MKLN1: variants seen among roughly 807,000 people sequenced by gnomAD.
MKLN1 encodes the protein muskelin.
In MKLN1, 18 loss-of-function variants were observed where a neutral mutation model predicts 99.0. The ratio of observed to expected loss-of-function variants is 0.18; its 90% CI spans 0.13 to 0.27. The LOEUF is 0.27. Among genes scored for constraint, MKLN1 ranks in the 10% least tolerant of loss-of-function variants. The pLI, the probability that MKLN1 is intolerant of heterozygous loss-of-function variation, is 1.00. For synonymous variants in MKLN1, 288 were observed against 293.2 expected, an observed-to-expected ratio of 0.98 and a Z score of 0.18; for missense variants, 621 against 875.9, an observed-to-expected ratio of 0.71 and a Z score of 3.67.
chr7:131,270,850 C>A (rs1440310676), intron 3 of MKLN1, among the ~76,000 whole-genome samples: 1 of 149,954 alleles, frequency 6.7e-6, no homozygotes, highest in East Asian at 2.0e-4. Context: ...AAATGGATAA[C>A]CTTGAATCAC....
chr7:131,414,870 CTGTATGTGTG>C (rs1375863333), intron 8 of MKLN1, among the ~76,000 whole-genome samples, 160 bp downstream of exon 8: 1 of 151,608 alleles, frequency 6.6e-6, no homozygotes, highest in Non-Finnish European at 1.5e-5. Context: ...TTATGTGTGT[CTGTATGTGTG>C]TGTATGTGTC....
At chr7:131,420,017 C>T (rs888668955) in intron 8 of MKLN1, among the ~76,000 whole-genome samples, 2 of 152,038 alleles carry the variant, frequency 1.3e-5, no homozygotes, top group Admixed American at 6.5e-5. Flanking sequence ...TTGGCTTATA[C>T]TAGAATGGTA....
chr7:131,394,055 A>G (rs1182299580), intron 4 of MKLN1, among the ~76,000 whole-genome samples: 2 of 150,868 alleles, frequency 1.3e-5, no homozygotes, highest in Non-Finnish European at 2.9e-5. Flanking sequence ...TTATACTACT[A>G]GATGGTTATT....
At chr7:131,120,736 C>T (rs1795355513) in intron 1 of MKLN1, among the ~76,000 whole-genome samples, 1 of 152,068 alleles carries the variant, frequency 6.6e-6, no homozygotes, top group Non-Finnish European at 1.5e-5. Context: ...CATCTGAGAC[C>T]ACCTCAGCCA....
At chr7:131,153,655 T>TA (rs1329349223) in intron 2 of MKLN1, among the ~76,000 whole-genome samples, 3 of 49,766 alleles carry the variant, frequency 6.0e-5, no homozygotes, top group Non-Finnish European at 1.8e-4. Context: ...TGAAAGTAGG[T>TA]TTTTTTTGGT....
chr7:131,420,888 G>T (rs1795171403), intron 8 of MKLN1, among the ~76,000 whole-genome samples: 2 of 152,108 alleles, frequency 1.3e-5, no homozygotes, highest in Non-Finnish European at 2.9e-5. Flanking sequence ...TGAGTAGAAA[G>T]AAAAATATTT....
At chr7:131,463,131 A>G in intron 12 of MKLN1, 86 bp from the exon 13 acceptor site, 2 of 1,213,594 alleles carry the variant, frequency 1.6e-6, no homozygotes, top group East Asian at 4.8e-5. Flanking sequence ...TCTTTAAAAA[A>G]AGAAAGAAAA....
chr7:131,194,003 G>GT (rs71168387), intron 2 of MKLN1, among the ~76,000 whole-genome samples: 16,619 of 128,112 alleles, frequency 0.13, 1,252 homozygotes, highest in South Asian at 0.31. Context: ...GCTTTGTTTT[G>GT]TTTTTTTTTT....
At chr7:131,325,754 C>G (rs986091071), upstream of MKLN1, among the ~76,000 whole-genome samples, 4 of 151,642 alleles carry the variant, frequency 2.6e-5, no homozygotes, top group Admixed American at 6.6e-5. Context: ...ACAGGATGAG[C>G]TGGAGTTAGC....
chr7:131,199,342 C>T (rs954325083), intron 2 of MKLN1, among the ~76,000 whole-genome samples: 3 of 151,440 alleles, frequency 2.0e-5, no homozygotes, highest in South Asian at 2.1e-4. Flanking sequence ...ACTGTAACCT[C>T]GAAATCCTGG....
chr7:131,123,237 T>C (rs1795403834), intron 1 of MKLN1, among the ~76,000 whole-genome samples: 4 of 152,154 alleles, frequency 2.6e-5, no homozygotes, highest in Admixed American at 6.6e-5. Flanking sequence ...CATTTAGTTA[T>C]ACCAAAGATC....
intron 2 of MKLN1, among the ~76,000 whole-genome samples, chr7:131,171,255 T>C (rs1378217732): frequency 6.6e-6 from 1 of 152,080 alleles, no homozygotes; most frequent in African/African-American, 2.4e-5. Flanking sequence ...ACAGAGTGTA[T>C]ACTGTAACCC....
intron 1 of MKLN1, among the ~76,000 whole-genome samples, chr7:131,356,100 G>A (rs922964400): frequency 6.7e-6 from 1 of 148,856 alleles, no homozygotes; most frequent in African/African-American, 2.5e-5. Flanking sequence ...GGAAGAAAAG[G>A]AAAGGAGCAA....
At chr7:131,398,115 A>ATTT (rs1283592647) in intron 5 of MKLN1, among the ~76,000 whole-genome samples, 1 of 152,126 alleles carries the variant, frequency 6.6e-6, no homozygotes, top group East Asian at 1.9e-4. Context: ...TGCCTTATTA[A>ATTT]AGGGTCATGC....
intron 3 of MKLN1, among the ~76,000 whole-genome samples, chr7:131,214,096 G>A (rs1452478925): frequency 1.3e-5 from 2 of 152,002 alleles, no homozygotes; most frequent in Non-Finnish European, 2.9e-5. Context: ...AACTTACTGT[G>A]ACATGAAACA....
intron 1 of MKLN1, among the ~76,000 whole-genome samples, chr7:131,350,692 G>C (rs1220218303): frequency 2.6e-5 from 4 of 152,238 alleles, no homozygotes; most frequent in Non-Finnish European, 4.4e-5. Context: ...AAGTCTGCTA[G>C]TGAAGTGGAA....
intron 10 of MKLN1, among the ~76,000 whole-genome samples, chr7:131,440,794 G>T (rs1011656971): frequency 1.3e-5 from 2 of 151,880 alleles, no homozygotes; most frequent in Admixed American, 6.6e-5. Flanking sequence ...TTGAATTCAG[G>T]AACATTTTCC....
intron 2 of MKLN1, among the ~76,000 whole-genome samples, chr7:131,200,580 A>G (rs1310256887): frequency 6.6e-6 from 1 of 152,220 alleles, no homozygotes; most frequent in Non-Finnish European, 1.5e-5. Context: ...TTGAGAAAAT[A>G]TGGGTCAAAT....
intron 1 of MKLN1, among the ~76,000 whole-genome samples, chr7:131,367,986 G>T (rs1208684715): frequency 6.6e-6 from 1 of 152,132 alleles, no homozygotes; most frequent in Non-Finnish European, 1.5e-5. Context: ...AATTAAAGGA[G>T]GATAGGCTAT....
Sources: gnomAD v4.1 joint callset for allele counts (sites outside exome capture counted in the v4.1 genomes callset) on GRCh38, gnomAD v4.1.1 for gene constraint, MANE v1.5 for transcripts, NCBI Gene and HGNC (gene_info 2026-07-23, HGNC 2026-07-21) for gene names.